The following GEMIN2 variants were observed in gnomAD, a reference collection of about 807,000 sequenced individuals.
GEMIN2 encodes the protein gem-associated protein 2.
GEMIN2 carries 37 observed loss-of-function variants against 45.8 expected under a neutral mutation model. That is an observed-to-expected ratio of 0.81 (90% CI 0.62 to 1.06). The LOEUF is 1.06. GEMIN2 is among the 50% of genes least tolerant of loss of function. GEMIN2 has a pLI of 0.00. For synonymous variants in GEMIN2, 101 were observed against 111.5 expected, an observed-to-expected ratio of 0.91 and a Z score of 0.60; for missense variants, 335 against 321.8, an observed-to-expected ratio of 1.04 and a Z score of -0.31.
chr14:39,128,093 A>AAAC, intron 6 of GEMIN2, among the ~76,000 whole-genome samples, 187 bp from the exon 7 acceptor site: 2 of 150,096 alleles, frequency 1.3e-5, no homozygotes, highest in Non-Finnish European at 1.5e-5. Flanking sequence ...AAAAAAAAAA[A>AAAC]GCCTCATTGG....
intron 5 of GEMIN2, among the ~76,000 whole-genome samples, chr14:39,124,706 G>T (rs1179089799): frequency 6.6e-6 from 1 of 152,126 alleles, no homozygotes; most frequent in Non-Finnish European, 1.5e-5. Context: ...CCAGGAAGCA[G>T]AGGTTGCAGT....
intron 7 of GEMIN2, among the ~76,000 whole-genome samples, chr14:39,129,009 G>C (rs2052681965): frequency 6.6e-6 from 1 of 152,178 alleles, no homozygotes; most frequent in Admixed American, 6.5e-5. Context: ...CCAACTACTA[G>C]GGAGGGCTGA....
intron 6 of GEMIN2, among the ~76,000 whole-genome samples, chr14:39,127,149 G>A (rs1413313863): frequency 2.0e-5 from 3 of 146,454 alleles, no homozygotes; most frequent in East Asian, 2.0e-4. Context: ...GTACTGAAGC[G>A]GCAGGATCTC....
At chr14:39,118,838 A>G (rs574414620) in intron 4 of GEMIN2, among the ~76,000 whole-genome samples, 1 of 146,256 alleles carries the variant, frequency 6.8e-6, no homozygotes, top group Admixed American at 7.0e-5. Context: ...GCTAGAGTGC[A>G]GTCATGGCTC....
At chr14:39,117,949 C>A in intron 2 of GEMIN2, 50 bp from the exon 3 acceptor site, 1 of 893,028 alleles carries the variant, frequency 1.1e-6, no homozygotes, top group Non-Finnish European at 1.8e-6. Flanking sequence ...GCATGAGATT[C>A]TAGTTTTGAC....
chr14:39,115,732 G>A (rs1205433201), intron 2 of GEMIN2, among the ~76,000 whole-genome samples: 1 of 152,062 alleles, frequency 6.6e-6, no homozygotes, highest in African/African-American at 2.4e-5. Flanking sequence ...TGGGATTACA[G>A]GTGTGAGCCA....
intron 4 of GEMIN2, among the ~76,000 whole-genome samples, chr14:39,121,238 TA>T (rs1009513997): frequency 6.6e-6 from 1 of 152,180 alleles, no homozygotes; most frequent in Admixed American, 6.5e-5. Flanking sequence ...TTGTCCAAAC[TA>T]AACACATCTT....
At chr14:39,132,968 T>G (rs1339938778) in intron 8 of GEMIN2, among the ~76,000 whole-genome samples, 2 of 147,402 alleles carry the variant, frequency 1.4e-5, no homozygotes, top group East Asian at 3.9e-4. Context: ...CATGAGCTAC[T>G]GCACCTGGTG....
chr14:39,117,374 A>G (rs757121110), intron 2 of GEMIN2, among the ~76,000 whole-genome samples: 13 of 152,152 alleles, frequency 8.5e-5, no homozygotes, highest in Non-Finnish European at 1.8e-4. Context: ...ATTGATACAT[A>G]ATAATCATAA....
At chr14:39,131,844 A>T in intron 7 of GEMIN2, 114 bp from the exon 8 acceptor site, 1 of 618,838 alleles carries the variant, frequency 1.6e-6, no homozygotes. Context: ...TAATATAGTT[A>T]AATGTTCTAT....
rs2052537844 is a variant in GEMIN2, at chr14:39,118,550, A to G, written c.323A>G (p.Lys108Arg). The change falls in exon 4 of 10, where the codon AAA becomes AGA. Residue 108 changes from lysine to arginine, a missense_variant. Coordinates refer to ENST00000308317, the MANE Select transcript of GEMIN2 (RefSeq NM_003616.3). ...QFSTVRQNVN[K>R]HRSHWKSQQL... ...GTTTTCTTCCTTTAGAATGTGAACA[A>G]ACATAGAAGTCACTGGAAATCACAA... The G allele has an allele frequency of 6.8e-7, 1 of 1,467,280 alleles. No homozygotes were observed. The highest frequency in any genetic ancestry group is 1.4e-5 in the African/African-American group (1 of 72,284). 90.9% of individuals were successfully genotyped at this position (1,467,280 alleles called of 1,614,324 possible). A position where few individuals can be genotyped will look rare whatever the true frequency, so the allele number is the denominator to read the frequency against.
chr14:39,115,525 C>T (rs1314666158), intron 2 of GEMIN2, among the ~76,000 whole-genome samples: 3 of 146,644 alleles, frequency 2.0e-5, no homozygotes, highest in African/African-American at 7.7e-5. Flanking sequence ...GGTGCGATCT[C>T]AGCTCACTGC....
intron 4 of GEMIN2, among the ~76,000 whole-genome samples, 165 bp downstream of exon 4, chr14:39,118,764 T>C (rs2052541991): frequency 2.0e-5 from 3 of 151,818 alleles, no homozygotes; most frequent in Admixed American, 6.6e-5. Flanking sequence ...CTGGAAAGTA[T>C]AGATTTTCAT....
chr14:39,122,874 T>G (rs2052590957), intron 5 of GEMIN2, among the ~76,000 whole-genome samples: 2 of 152,234 alleles, frequency 1.3e-5, no homozygotes, highest in Non-Finnish European at 2.9e-5. Context: ...TTAGTTTGGC[T>G]TCATATCCCT....
At chr14:39,115,456 C>CTTTTTTT (rs35142656) in intron 2 of GEMIN2, among the ~76,000 whole-genome samples, 2 of 123,866 alleles carry the variant, frequency 1.6e-5, no homozygotes, top group Non-Finnish European at 1.6e-5. Flanking sequence ...ATGTCTTACA[C>CTTTTTTT]TTTTTTTTTT....
intron 1 of GEMIN2, 97 bp from the exon 2 acceptor site, chr14:39,114,732 A>T: frequency 1.3e-6 from 1 of 754,212 alleles, no homozygotes; most frequent in Admixed American, 2.5e-5. Context: ...TTTTTTTCTG[A>T]TTTCACAATG....
At chr14:39,127,716 TCCTAGGATTTAAA>T (rs147632610) in intron 6 of GEMIN2, among the ~76,000 whole-genome samples, 4,052 of 152,252 alleles carry the variant, frequency 0.027, 98 homozygotes, top group Middle Eastern at 0.12. Flanking sequence ...ACAAACTAAA[TCCTAGGATTTAAA>T]CCAAGGTGTT....
At chr14:39,125,112 T>C (rs1248398879) in intron 6 of GEMIN2, 76 bp downstream of exon 6, 3 of 761,438 alleles carry the variant, frequency 3.9e-6, no homozygotes, top group South Asian at 1.5e-5. Context: ...TTAATACATA[T>C]ACTGAATTCT....
chr14:39,128,284 C>A lies in GEMIN2; in HGVS notation c.536C>A (p.Thr179Lys). 6.5e-7 allele frequency: 1 copy of A among 1,527,712 alleles called. No individual in the cohort carries two copies. Among genetic ancestry groups the A allele is most frequent in the Non-Finnish European group, 9.0e-7 (1 of 1,117,098 alleles). The allele number at this position is 1,527,712 out of a possible 1,614,324, so 94.6% of individuals were successfully genotyped here. ...ACCCCCTCTTTTTTTTTTTAGGCAACAGTAACTAGTGTCTTGGAATATCTG... is the reference window on the plus strand; with the variant it reads ...ACCCCCTCTTTTTTTTTTTAGGCAAAAGTAACTAGTGTCTTGGAATATCTG... ...LSIVSRMNQA[T>K]VTSVLEYLSN... is the part of the protein sequence containing the mutation. Residue 179 changes from threonine (T) to lysine (K), a missense_variant, in exon 7 of 10, where the codon ACA becomes AAA. Transcript: ENST00000308317.
Sources: gnomAD v4.1 joint callset for allele counts (sites outside exome capture counted in the v4.1 genomes callset) on GRCh38, gnomAD v4.1.1 for gene constraint, MANE v1.5 for transcripts, NCBI Gene and HGNC (gene_info 2026-07-23, HGNC 2026-07-21) for gene names.